Variants in NXPE4 observed in about 807,000 individuals in gnomAD.
The protein encoded by NXPE4 is neurexophilin and PC-esterase domain family member 4, also known as NXPE family member 4.
NXPE4 carries 42 observed loss-of-function variants against 33.3 expected under a neutral mutation model. That is an observed-to-expected ratio of 1.26 (90% CI 0.98 to 1.63). The LOEUF is 1.63. NXPE4 is among the 40% of genes most tolerant of loss of function. The probability of loss-of-function intolerance (pLI) is 0.00; values close to 1 mark genes in which losing one functional copy is unlikely to be tolerated. For missense variants in NXPE4, 709 were observed against 647.6 expected (o/e 1.09, Z -1.03); for synonymous variants, 253 against 234.9 (o/e 1.08, Z -0.71).
intron 1 of NXPE4, 76 bp from the exon 2 acceptor site, chr11:114,594,845 G>T (rs1351593347): frequency 2.5e-6 from 2 of 804,560 alleles, no homozygotes; most frequent in Non-Finnish European, 4.0e-6. Context: ...GGAAACATTT[G>T]AAATTTTTTT....
upstream of NXPE4, among the ~76,000 whole-genome samples, chr11:114,598,172 G>C (rs1235328775): frequency 6.6e-6 from 1 of 151,738 alleles, no homozygotes; most frequent in East Asian, 1.9e-4. Context: ...ACTCAGAAGA[G>C]CAGTCACTAA....
At chr11:114,609,890 G>A in the NXPE4 span, among the ~76,000 whole-genome samples, 1 of 151,964 alleles carries the variant, frequency 6.6e-6, no homozygotes, top group East Asian at 1.9e-4. Context: ...TGGATAATAA[G>A]TGTTGCCTCC....
At chr11:114,617,278 G>A in the NXPE4 span, among the ~76,000 whole-genome samples, 2 of 151,598 alleles carry the variant, frequency 1.3e-5, no homozygotes, top group Admixed American at 6.6e-5. Context: ...ATATTGCCTC[G>A]TGGATAACCA....
the NXPE4 span, among the ~76,000 whole-genome samples, chr11:114,663,678 T>TTATC: frequency 0.14 from 20,122 of 145,920 alleles, 1,497 homozygotes; most frequent in African/African-American, 0.17. Flanking sequence ...ATCTATCTAT[T>TTATC]TATCTATCTA....
chr11:114,648,627 A>C, the NXPE4 span, among the ~76,000 whole-genome samples: 115,232 of 152,082 alleles, frequency 0.76, 45,413 homozygotes, highest in East Asian at 0.88. Flanking sequence ...TCGTGTCTAC[A>C]CTTGTCAAGT....
chr11:114,580,466 A>G, intron 4 of NXPE4, 128 bp from the exon 5 acceptor site: 1 of 711,522 alleles, frequency 1.4e-6, no homozygotes, highest in Middle Eastern at 4.0e-4. Flanking sequence ...AAAAAGTATT[A>G]CTGAAGTATT....
the NXPE4 span, among the ~76,000 whole-genome samples, chr11:114,652,150 T>C: frequency 1.3e-5 from 2 of 152,186 alleles, no homozygotes. Context: ...TCTAGTAAGA[T>C]TCAGGATGGG....
chr11:114,597,530 A>G (rs1337632390), upstream of NXPE4, among the ~76,000 whole-genome samples: 3 of 152,238 alleles, frequency 2.0e-5, no homozygotes, highest in African/African-American at 7.2e-5. Flanking sequence ...TTATGCATAC[A>G]TGGGTTCATG....
intron 3 of NXPE4, 138 bp downstream of exon 3, chr11:114,582,150 G>A (rs1314050953): frequency 2.3e-6 from 2 of 888,290 alleles, no homozygotes; most frequent in South Asian, 1.9e-5. Context: ...GTCTCTAAAT[G>A]AATTCACAGA....
the NXPE4 span, among the ~76,000 whole-genome samples, chr11:114,673,075 T>TTA: frequency 6.8e-6 from 1 of 147,888 alleles, no homozygotes; most frequent in African/African-American, 2.5e-5. Flanking sequence ...TATATATATA[T>TTA]TATATATATA....
the NXPE4 span, among the ~76,000 whole-genome samples, chr11:114,670,636 G>A: frequency 7.2e-5 from 11 of 151,972 alleles, no homozygotes; most frequent in African/African-American, 2.4e-4. Flanking sequence ...AAGTTACAGT[G>A]AGATATGACT....
At chr11:114,613,915 T>A in the NXPE4 span, among the ~76,000 whole-genome samples, 1 of 152,050 alleles carries the variant, frequency 6.6e-6, no homozygotes, top group Admixed American at 6.6e-5. Context: ...TAACCACTGT[T>A]ACCCAGTGGA....
At chr11:114,605,305 G>A in the NXPE4 span, among the ~76,000 whole-genome samples, 1 of 151,884 alleles carries the variant, frequency 6.6e-6, no homozygotes, top group Non-Finnish European at 1.5e-5. Flanking sequence ...TGACTTGTGG[G>A]TAACCACTCT....
chr11:114,625,422 T>G, the NXPE4 span, among the ~76,000 whole-genome samples: 3 of 151,136 alleles, frequency 2.0e-5, no homozygotes, highest in Non-Finnish European at 4.4e-5. Flanking sequence ...GGCAACCACT[T>G]CTACCACATG....
the NXPE4 span, among the ~76,000 whole-genome samples, chr11:114,609,623 C>G: frequency 6.6e-6 from 1 of 151,138 alleles, no homozygotes; most frequent in Non-Finnish European, 1.5e-5. Context: ...GGCATGCTTA[C>G]CCGATGGATA....
rs1182550187 is a variant in NXPE4, at chr11:114,582,818, G to A, written c.300C>T (p.Ser100=). ...CTCGAGGGTTGAGGATGGTGGCTGT[G>A]CTATGTGTGGCGCTGGTGGTGGTGT... is the stretch of plus-strand genomic sequence containing the variant. ...HVNTTTSATH[S]TATILNPRDT... Residue 100 remains serine, a synonymous_variant, in exon 3 of 6, where the codon AGC becomes AGT. Coordinates refer to ENST00000375478, the MANE Select transcript of NXPE4 (RefSeq NM_001077639.2). The A allele has an allele frequency of 1.2e-6, 2 of 1,614,042 alleles. No homozygotes were observed. Among genetic ancestry groups the A allele is most frequent in the East Asian group, 2.2e-5 (1 of 44,894 alleles).
intron 5 of NXPE4, among the ~76,000 whole-genome samples, chr11:114,573,276 C>A (rs1319169624): frequency 6.6e-5 from 10 of 152,004 alleles, no homozygotes; most frequent in Admixed American, 5.9e-4. Flanking sequence ...TCTCAAAGGA[C>A]CTACATGAAA....
At chr11:114,631,906 G>A in the NXPE4 span, among the ~76,000 whole-genome samples, 1 of 151,262 alleles carries the variant, frequency 6.6e-6, no homozygotes, top group Non-Finnish European at 1.5e-5. Context: ...ATTGCCTCGT[G>A]GGTCACTACT....
At chr11:114,659,428 T>C in the NXPE4 span, among the ~76,000 whole-genome samples, 1 of 62,404 alleles carries the variant, frequency 1.6e-5, no homozygotes, top group Non-Finnish European at 5.2e-5. Context: ...AATTATTCTG[T>C]TAAACAAAAA....
Sources: gnomAD v4.1 joint callset for allele counts (sites outside exome capture counted in the v4.1 genomes callset) on GRCh38, gnomAD v4.1.1 for gene constraint, MANE v1.5 for transcripts, NCBI Gene and HGNC (gene_info 2026-07-23, HGNC 2026-07-21) for gene names.